The following GMDS variants were observed in gnomAD, a reference collection of about 807,000 sequenced individuals.
GMDS encodes the protein GDP-mannose 4,6 dehydratase.
Under a neutral mutation model 49.9 loss-of-function variants are expected in GMDS, and 20 were observed. The observed-to-expected ratio is 0.40, with a 90% confidence interval of 0.28 to 0.58. The LOEUF (loss-of-function observed/expected upper bound fraction) is 0.58, where lower values mean the gene tolerates loss of function less well. GMDS is among the 20% of genes least tolerant of loss of function. The pLI is 0.42. For missense variants in GMDS, 362 were observed against 481.4 expected, an observed-to-expected ratio of 0.75 and a Z score of 2.32; for synonymous variants, 177 against 178.6, an observed-to-expected ratio of 0.99 and a Z score of 0.07.
intron 4 of GMDS, among the ~76,000 whole-genome samples, chr6:2,098,315 C>G (rs944094420): frequency 6.6e-6 from 1 of 152,196 alleles, no homozygotes; most frequent in Non-Finnish European, 1.5e-5. Context: ...GCCTCAGCTT[C>G]CCAAAGTGCT....
intron 1 of GMDS, among the ~76,000 whole-genome samples, chr6:2,156,149 C>T (rs1021865650): frequency 6.6e-6 from 1 of 152,034 alleles, no homozygotes; most frequent in Non-Finnish European, 1.5e-5. Context: ...ATACCACTTT[C>T]TGATTCGGGG....
intron 4 of GMDS, among the ~76,000 whole-genome samples, chr6:2,032,186 C>A (rs1007746917): frequency 6.6e-6 from 1 of 152,160 alleles, no homozygotes; most frequent in Non-Finnish European, 1.5e-5. Flanking sequence ...ATACTGTGAA[C>A]TGTTTTTCTG....
chr6:2,085,520 G>T (rs560566673), intron 4 of GMDS, among the ~76,000 whole-genome samples: 130 of 152,010 alleles, frequency 8.6e-4, no homozygotes, highest in African/African-American at 3.1e-3. Context: ...CAGTCTCCTC[G>T]GAAGAGAAAA....
At chr6:1,684,494 G>A (rs748775660) in intron 9 of GMDS, among the ~76,000 whole-genome samples, 26 of 152,174 alleles carry the variant, frequency 1.7e-4, no homozygotes, top group Non-Finnish European at 3.2e-4. Flanking sequence ...CCACACGAAC[G>A]AAGACTATGA....
intron 6 of GMDS, among the ~76,000 whole-genome samples, chr6:1,947,046 C>T (rs993072883): frequency 1.4e-4 from 22 of 152,206 alleles, no homozygotes; most frequent in African/African-American, 5.3e-4. Context: ...GGTATATTAG[C>T]TCATTTTAGT....
In GMDS at chr6:1,982,199, G is replaced by A. The variant is rs139054222; in HGVS notation, c.346-21233C>T. Among the ~76,000 whole-genome samples the A allele has an allele frequency of 3.3e-4, 50 of 152,208 alleles. No homozygotes were observed. In the East Asian group the frequency reaches 9.7e-3, roughly 29 times the overall value. ...TAGGTGTCTGTAATCCTAGCTACTTGGTAGGCTGAGGCAGGAGAATCACTT... is the reference window on the plus strand; with the variant it reads ...TAGGTGTCTGTAATCCTAGCTACTTAGTAGGCTGAGGCAGGAGAATCACTT... On this transcript the variant is annotated intron_variant, in intron 4 of 10. Coordinates refer to ENST00000380815, the MANE Select transcript of GMDS (RefSeq NM_001500.4).
intron 7 of GMDS, among the ~76,000 whole-genome samples, chr6:1,843,476 G>T (rs926304240): frequency 1.3e-5 from 2 of 152,092 alleles, no homozygotes; most frequent in Non-Finnish European, 2.9e-5. Context: ...TCTCTTAAAT[G>T]TAAGGAGCAG....
intron 4 of GMDS, among the ~76,000 whole-genome samples, chr6:1,996,055 C>CTTTTT (rs1766257604): frequency 6.6e-6 from 1 of 152,074 alleles, no homozygotes; most frequent in South Asian, 2.1e-4. Flanking sequence ...GGGATAGCCT[C>CTTTTT]TTCTTTTCTT....
chr6:2,144,525 C>T (rs1776456973), intron 1 of GMDS, among the ~76,000 whole-genome samples: 1 of 152,178 alleles, frequency 6.6e-6, no homozygotes, highest in African/African-American at 2.4e-5. Context: ...CTCTAGTTGC[C>T]TGGCACCTAG....
intron 9 of GMDS, chr6:1,717,546 T>G (rs1024884827): frequency 6.6e-6 from 1 of 152,214 alleles, no homozygotes; most frequent in Non-Finnish European, 1.5e-5. Context: ...CAATTCAGCA[T>G]ATCCCTACCT....
At position 1,640,922 on chromosome 6, in the gene GMDS, G is replaced by A. The variant is rs1392273099; in HGVS notation, c.988-16382C>T. On this transcript the variant is annotated intron_variant, in intron 9 of 10. Transcript: ENST00000380815. This position sits in a 1 kb window ranked among gnomAD's most constrained non-coding sequence, Gnocchi z 4.0. ...GGTGGAGGGAGCAGGCTGGGCTAGG[G>A]CCCTGAAGGGCCGGCTGGTTAGAAA... Among the ~76,000 whole-genome samples, 1 of 152,224 alleles carries A rather than the reference G, an allele frequency of 6.6e-6. No homozygotes were observed. The highest frequency in any genetic ancestry group is 1.5e-5 in the Non-Finnish European group (1 of 68,026).
chr6:2,063,497 C>T (rs1477465672), intron 4 of GMDS, among the ~76,000 whole-genome samples: 1 of 152,102 alleles, frequency 6.6e-6, no homozygotes, highest in Non-Finnish European at 1.5e-5. Context: ...TATGTAAAAA[C>T]AAACCAAACC....
At chr6:2,003,669 G>T (rs183428053) in intron 4 of GMDS, among the ~76,000 whole-genome samples, 7 of 152,166 alleles carry the variant, frequency 4.6e-5, no homozygotes, top group African/African-American at 1.7e-4. Context: ...TTAAATTGGA[G>T]TACAAAACAG....
intron 4 of GMDS, among the ~76,000 whole-genome samples, chr6:2,052,774 G>T (rs993914838): frequency 2.6e-5 from 4 of 152,068 alleles, no homozygotes; most frequent in African/African-American, 9.7e-5. Context: ...ACCATCATGG[G>T]GAAAAAATCC....
intron 7 of GMDS, among the ~76,000 whole-genome samples, chr6:1,921,465 A>G (rs897273269): frequency 3.3e-5 from 5 of 152,218 alleles, no homozygotes; most frequent in African/African-American, 1.2e-4. Flanking sequence ...GCCAGATAAA[A>G]CAGGCAATTG....
At chr6:2,066,141 A>C (rs1771573022) in intron 4 of GMDS, among the ~76,000 whole-genome samples, 1 of 151,982 alleles carries the variant, frequency 6.6e-6, no homozygotes, top group African/African-American at 2.4e-5. Flanking sequence ...AAGAATTTTC[A>C]ACCCAGAATT....
chr6:1,939,748 C>T (rs1225214709), intron 6 of GMDS, among the ~76,000 whole-genome samples: 2 of 152,074 alleles, frequency 1.3e-5, no homozygotes, highest in African/African-American at 4.8e-5. Flanking sequence ...CAGCATTAAA[C>T]TGAAAACAAT....
chr6:1,909,775 A>G (rs112289409), intron 7 of GMDS, among the ~76,000 whole-genome samples: 147 of 152,328 alleles, frequency 9.7e-4, no homozygotes, highest in African/African-American at 3.4e-3. Context: ...CGAGGGTCAC[A>G]TGATCACCAC....
chr6:1,819,760 C>CA (rs1197523577), intron 7 of GMDS, among the ~76,000 whole-genome samples: 3,353 of 111,228 alleles, frequency 0.03, 126 homozygotes, highest in African/African-American at 0.081. Flanking sequence ...GACTCTGCCT[C>CA]AAAAAAAAAA....
Sources: gnomAD v4.1 joint callset for allele counts (sites outside exome capture counted in the v4.1 genomes callset) on GRCh38, gnomAD v4.1.1 for gene constraint, Gnocchi (gnomAD v3.1) non-coding constraint, MANE v1.5 for transcripts, NCBI Gene and HGNC (gene_info 2026-07-23, HGNC 2026-07-21) for gene names.